CRK: variants seen among roughly 807,000 people sequenced by gnomAD.
CRK encodes adapter molecule crk.
A neutral mutation model predicts 29.8 loss-of-function variants in CRK; 4 were observed. The observed-to-expected ratio is 0.13, with a 90% CI of 0.07 to 0.31. The LOEUF is 0.31. Ranked by LOEUF, CRK falls within the 10% of genes least tolerant of loss-of-function variation. The pLI is 1.00. For missense variants in CRK, 274 were observed against 396.5 expected, an observed-to-expected ratio of 0.69 and a Z score of 2.62; for synonymous variants, 153 against 164.9, an observed-to-expected ratio of 0.93 and a Z score of 0.55.
At chr17:1,440,218 G>A (rs2073923566) in intron 1 of CRK, among the ~76,000 whole-genome samples, 1 of 151,614 alleles carries the variant, frequency 6.6e-6, no homozygotes, top group African/African-American at 2.4e-5. Context: ...AGAATGGCAT[G>A]AACCCAGGAG....
intron 1 of CRK, among the ~76,000 whole-genome samples, chr17:1,444,556 G>T (rs2073958804): frequency 7.1e-6 from 1 of 140,432 alleles, no homozygotes; most frequent in African/African-American, 2.6e-5. Flanking sequence ...TGGGCGTGGT[G>T]GCTCAGGCCT....
intron 1 of CRK, among the ~76,000 whole-genome samples, chr17:1,452,752 T>C (rs1314878780): frequency 6.6e-6 from 1 of 150,802 alleles, no homozygotes; most frequent in African/African-American, 2.4e-5. Context: ...ATCGCGCCAT[T>C]GCGCTCCAGC....
chr17:1,456,055 C>A lies in CRK; in HGVS notation c.63G>T (p.Gln21His). ...GGCCCTGCAGCAGCGCCACCGCCTC[C>A]TGCCGACTCAACCTCCCCCAGTACC... Reference protein sequence around the residue: ...SSWYWGRLSRQEAVALLQGQR... With the variant: ...SSWYWGRLSRHEAVALLQGQR... Residue 21 changes from glutamine (Q) to histidine (H), a missense_variant, in exon 1 of 3, where the codon CAG becomes CAT. Transcript: ENST00000300574. 6.3e-7 allele frequency: 1 copy of A among 1,593,754 alleles called. No individual in the cohort carries two copies.
intron 1 of CRK, among the ~76,000 whole-genome samples, chr17:1,442,705 T>A (rs2073944781): frequency 6.7e-6 from 1 of 150,108 alleles, no homozygotes; most frequent in Non-Finnish European, 1.5e-5. Flanking sequence ...CCCTCTGTGT[T>A]CAAGCAATTC....
chr17:1,454,497 C>T (rs2074041838), intron 1 of CRK, among the ~76,000 whole-genome samples: 1 of 152,182 alleles, frequency 6.6e-6, no homozygotes, highest in African/African-American at 2.4e-5. Flanking sequence ...GCGTGGGTGA[C>T]AGAGCAAGAC....
chr17:1,440,727 C>A (rs552786932), intron 1 of CRK, among the ~76,000 whole-genome samples: 1 of 151,168 alleles, frequency 6.6e-6, no homozygotes, highest in African/African-American at 2.5e-5. Context: ...GTCTCAAAAA[C>A]AAACAAACAA....
At position 1,456,178 on chromosome 17, in the gene CRK, C is replaced by A; in HGVS notation, c.-61G>T. Reference sequence around the variant, plus strand: ...CCGCGCGCGCCCCTCCGGCCCCCGGCGCCCGCCGCCCAGCGGACCGGCTCC... The same window carrying A: ...CCGCGCGCGCCCCTCCGGCCCCCGGAGCCCGCCGCCCAGCGGACCGGCTCC... On this transcript the variant is annotated 5_prime_UTR_variant, in exon 1 of 3. Coordinates refer to ENST00000300574, the MANE Select transcript of CRK (RefSeq NM_016823.4). The A allele has an allele frequency of 2.2e-6, 3 of 1,373,702 alleles. No individual in the cohort carries two copies. The highest frequency in any genetic ancestry group is 2.8e-6 in the Non-Finnish European group (3 of 1,068,054). 85.1% of individuals were successfully genotyped at this position (1,373,702 alleles called of 1,614,324 possible). A position where few individuals can be genotyped will look rare whatever the true frequency, so the allele number is the denominator to read the frequency against.
At chr17:1,443,260 G>A (rs574297905) in intron 1 of CRK, among the ~76,000 whole-genome samples, 1 of 152,188 alleles carries the variant, frequency 6.6e-6, no homozygotes, top group Non-Finnish European at 1.5e-5. Flanking sequence ...GGGATTACAG[G>A]TGTGAGCCAC....
chr17:1,430,458 G>A (rs1312986472), intron 2 of CRK, among the ~76,000 whole-genome samples: 16 of 151,428 alleles, frequency 1.1e-4, no homozygotes, highest in South Asian at 4.2e-4. Context: ...CCGGGTTCAC[G>A]CCATTCTCCT....
intron 1 of CRK, among the ~76,000 whole-genome samples, chr17:1,445,229 G>A (rs1407073890): frequency 6.6e-6 from 1 of 152,084 alleles, no homozygotes; most frequent in Non-Finnish European, 1.5e-5. Context: ...AAGTCCTTCC[G>A]GTAGAAAGAG....
intron 1 of CRK, among the ~76,000 whole-genome samples, chr17:1,440,045 A>T (rs888017048): frequency 6.6e-6 from 1 of 152,064 alleles, no homozygotes; most frequent in Non-Finnish European, 1.5e-5. Context: ...CACGCCTGTA[A>T]TCCCAGCACT....
At chr17:1,442,454 T>C (rs2073942482) in intron 1 of CRK, among the ~76,000 whole-genome samples, 1 of 152,056 alleles carries the variant, frequency 6.6e-6, no homozygotes, top group Non-Finnish European at 1.5e-5. Flanking sequence ...AGTACTGAGA[T>C]TGCAGATGTG....
At chr17:1,430,838 T>C (rs12949842) in intron 2 of CRK, among the ~76,000 whole-genome samples, 2,091 of 150,782 alleles carry the variant, frequency 0.014, 21 homozygotes, top group South Asian at 0.031. Flanking sequence ...GAGGCCGAGG[T>C]GGGTGGATCA....
chr17:1,453,629 G>C (rs1251926550), intron 1 of CRK, among the ~76,000 whole-genome samples: 1 of 152,248 alleles, frequency 6.6e-6, no homozygotes, highest in African/African-American at 2.4e-5. Context: ...GTGTTAGACT[G>C]GGTGTGGTGG....
intron 2 of CRK, among the ~76,000 whole-genome samples, chr17:1,431,388 AT>A (rs919120813): frequency 6.6e-6 from 1 of 152,138 alleles, no homozygotes; most frequent in African/African-American, 2.4e-5. Context: ...CCACCTGTTA[AT>A]TCACTAAAGC....
In CRK at chr17:1,441,664, G is replaced by T. The variant is rs185306022; in HGVS notation, c.242-4509C>A. Reference sequence around the variant, plus strand: ...GCGCCACCACACCCGGCTAATTTTTGTATTTTTAGTAGAGACAAGGTTTCA... The same window carrying T: ...GCGCCACCACACCCGGCTAATTTTTTTATTTTTAGTAGAGACAAGGTTTCA... On this transcript the variant is annotated intron_variant, in intron 1 of 2. Transcript: ENST00000300574. Among the ~76,000 whole-genome samples, 1,159 of 152,024 alleles carry T rather than the reference G, an allele frequency of 7.6e-3. 10 individuals carry two copies. Among genetic ancestry groups the T allele is most frequent in the Non-Finnish European group, 0.013 (856 of 67,956 alleles).
intron 2 of CRK, among the ~76,000 whole-genome samples, chr17:1,427,331 C>T (rs1308455246): frequency 6.6e-6 from 1 of 151,312 alleles, no homozygotes; most frequent in Admixed American, 6.6e-5. Context: ...CGGTGGCTCA[C>T]GCCTGTAATC....
At chr17:1,432,667 C>T (rs1009684521) in intron 2 of CRK, among the ~76,000 whole-genome samples, 2 of 150,458 alleles carry the variant, frequency 1.3e-5, no homozygotes, top group Non-Finnish European at 3.0e-5. Context: ...GTCCCAGCTA[C>T]TTGGGGGGCT....
intron 1 of CRK, among the ~76,000 whole-genome samples, chr17:1,450,083 T>C (rs1053217732): frequency 6.6e-6 from 1 of 151,984 alleles, no homozygotes; most frequent in Non-Finnish European, 1.5e-5. Context: ...ATGCCTGTAA[T>C]CCCAGCTACC....
Sources: gnomAD v4.1 joint callset for allele counts (sites outside exome capture counted in the v4.1 genomes callset) on GRCh38, gnomAD v4.1.1 for gene constraint, MANE v1.5 for transcripts, NCBI Gene and HGNC (gene_info 2026-07-23, HGNC 2026-07-21) for gene names.